OR4E2: variants seen among roughly 807,000 people sequenced by gnomAD.
OR4E2 encodes olfactory receptor family 4 subfamily E member 2, also known as olfactory receptor 4E2.
In OR4E2, 9 loss-of-function variants were observed where a neutral mutation model predicts 11.0. The ratio of observed to expected loss-of-function variants is 0.82; its 90% CI spans 0.49 to 1.43. The LOEUF (loss-of-function observed/expected upper bound fraction) is 1.43. Ranked by LOEUF, OR4E2 falls within the 40% of genes most tolerant of loss-of-function variation. The pLI, the probability that OR4E2 is intolerant of heterozygous loss-of-function variation, is 0.00. For synonymous variants in OR4E2, 159 were observed against 147.3 expected, an observed-to-expected ratio of 1.08 and a Z score of -0.57; for missense variants, 441 against 382.0, an observed-to-expected ratio of 1.15 and a Z score of -1.29.
chr14:21,663,480 G>GAAA (rs1253950762), intron 3 of OR4E2, among the ~76,000 whole-genome samples: 1 of 149,484 alleles, frequency 6.7e-6, no homozygotes, highest in Non-Finnish European at 1.5e-5. Flanking sequence ...ACTCCGTCTC[G>GAAA]AAAAAAATTT....
At chr14:21,661,493 G>A (rs897840923) in intron 3 of OR4E2, among the ~76,000 whole-genome samples, 1 of 152,072 alleles carries the variant, frequency 6.6e-6, no homozygotes, top group Non-Finnish European at 1.5e-5. Flanking sequence ...ATATGTTATT[G>A]ACATTCCATG....
chr14:21,661,062 A>G (rs1594546800), intron 3 of OR4E2, among the ~76,000 whole-genome samples: 1 of 152,216 alleles, frequency 6.6e-6, no homozygotes, highest in Non-Finnish European at 1.5e-5. Flanking sequence ...TTCCCTGTGC[A>G]TGCTTTTAAT....
chr14:21,666,026 G>T lies in OR4E2; in HGVS notation c.*2G>T. The T allele has an allele frequency of 1.9e-6, 3 of 1,604,742 alleles. No individual in the cohort carries two copies. Among genetic ancestry groups the T allele is most frequent in the Non-Finnish European group, 2.6e-6 (3 of 1,173,608 alleles). Reference sequence around the variant, plus strand: ...TTTTTCACGAAATCATATACATAATGGGCACTGGGATTGCAGACATAATTG... The same window carrying T: ...TTTTTCACGAAATCATATACATAATTGGCACTGGGATTGCAGACATAATTG... On this transcript the variant is annotated 3_prime_UTR_variant, in exon 4 of 4. Transcript: ENST00000641524.
chr14:21,659,711 G>C (rs567216060), intron 2 of OR4E2, among the ~76,000 whole-genome samples: 1 of 152,006 alleles, frequency 6.6e-6, no homozygotes, highest in Non-Finnish European at 1.5e-5. Context: ...AGTTATAATC[G>C]TTCAAAAATA....
rs1006563370 is a variant in OR4E2 at position 21,654,270 on chromosome 14, C to A, written c.-191+331C>A. Among the ~76,000 whole-genome samples the A allele has an allele frequency of 3.9e-5, 6 of 152,094 alleles. 1 individual carries two copies. The highest frequency in any genetic ancestry group is 3.9e-4 in the Admixed American group (6 of 15,258). On this transcript the variant is annotated intron_variant, in intron 1 of 3. Transcript: ENST00000641524. Reference sequence around the variant, plus strand: ...AATGTACAGTGGTCTTCCTAAACTTCACCACAGTCCCATCTTGATGATCAT... The same window carrying A: ...AATGTACAGTGGTCTTCCTAAACTTAACCACAGTCCCATCTTGATGATCAT...
chr14:21,665,780 G>T lies in OR4E2; in HGVS notation c.698G>T (p.Arg233Leu). The change falls in exon 4 of 4, where the codon CGC becomes CTC. Residue 233 changes from arginine (R) to leucine (L), a missense_variant. Arg to Leu is a moderately radical substitution (Grantham distance 102, BLOSUM62 -2). Coordinates refer to ENST00000641524, the MANE Select transcript of OR4E2 (RefSeq NM_001001912.3). ...CTTCGAAAACACTCAGCTGAAGGGC[G>T]CCGGAAAGCCCTGTCTACCTGCTCG... ...VSLRKHSAEG[R>L]RKALSTCSAH... is the part of the protein sequence containing the mutation. 6 of 1,613,890 alleles carry T rather than the reference G, an allele frequency of 3.7e-6. No homozygotes were observed. Among genetic ancestry groups the T allele is most frequent in the Middle Eastern group, 1.6e-4 (1 of 6,062 alleles).
intron 2 of OR4E2, among the ~76,000 whole-genome samples, chr14:21,657,509 TTCTTTGTTTTTC>T (rs2139799898): frequency 9.1e-6 from 1 of 109,662 alleles, no homozygotes; most frequent in Admixed American, 1.1e-4. Flanking sequence ...CCTTCCTTCT[TTCTTTGTTTTTC>T]TTTCTTTCTT....
intron 2 of OR4E2, among the ~76,000 whole-genome samples, chr14:21,657,405 C>T (rs139623505): frequency 0.29 from 38,473 of 131,996 alleles, 6,081 homozygotes; most frequent in Non-Finnish European, 0.36. Flanking sequence ...TTCCTTCCTT[C>T]CTTTCTTTCT....
rs1448738165 is a variant in OR4E2 at position 21,665,917 on chromosome 14, AC to A, written c.839del (p.Pro280LeufsTer3). 8 of 1,612,898 alleles carry A rather than the reference AC, an allele frequency of 5.0e-6. No individual in the cohort carries two copies. In the South Asian group the frequency reaches 5.5e-5, roughly 11 times the overall value. ...GGTGTCTGTCTTCTACACAGTGGTCACCCCTTTGCTGAATCCCTTCATTTAC... is the reference window on the plus strand; with the variant it reads ...GGTGTCTGTCTTCTACACAGTGGTCACCCTTTGCTGAATCCCTTCATTTAC... Reference protein sequence around the residue: ...KVVSVFYTVVTPLLNPFIYTL... With the variant: ...KVVSVFYTVVXPLLNPFIYTL... On this transcript the variant is annotated frameshift_variant, in exon 4 of 4. Transcript: ENST00000641524. LOFTEE classifies it high-confidence loss of function.
intron 2 of OR4E2, among the ~76,000 whole-genome samples, chr14:21,659,872 A>G (rs1267174728): frequency 2.6e-5 from 4 of 152,188 alleles, no homozygotes; most frequent in Non-Finnish European, 4.4e-5. Flanking sequence ...TGAATTATAC[A>G]GTATATTAGA....
chr14:21,655,161 C>T (rs10483255), intron 1 of OR4E2, among the ~76,000 whole-genome samples: 43,516 of 152,026 alleles, frequency 0.29, 6,692 homozygotes, highest in Non-Finnish European at 0.32. Flanking sequence ...AAATTATTAC[C>T]TGCATTCCAT....
rs1473967643 is a variant in OR4E2 at position 21,665,079 on chromosome 14, T to C, written c.-4T>C. ...TTTCATTTTTTCCCCCCTAAGCTCA[T>C]TGAATGGACAGTCTAAACCAAACAA... On this transcript the variant is annotated 5_prime_UTR_variant, in exon 4 of 4. Coordinates refer to ENST00000641524, the MANE Select transcript of OR4E2 (RefSeq NM_001001912.3). 1 of 1,564,332 alleles carries C rather than the reference T, an allele frequency of 6.4e-7. No individual in the cohort carries two copies. The highest frequency in any genetic ancestry group is 1.7e-4 in the Middle Eastern group (1 of 5,894).
At chr14:21,654,747 T>TGAGAGAGA (rs34453088) in intron 1 of OR4E2, among the ~76,000 whole-genome samples, 1,526 of 146,502 alleles carry the variant, frequency 0.01, 34 homozygotes, top group African/African-American at 0.036. Flanking sequence ...ATATATAAAA[T>TGAGAGAGA]GAGAGAGAGA....
intron 1 of OR4E2, among the ~76,000 whole-genome samples, chr14:21,656,123 C>T (rs1333400922): frequency 1.3e-5 from 2 of 151,296 alleles, no homozygotes; most frequent in African/African-American, 4.9e-5. Context: ...TACAAAAAAA[C>T]CAACCAACCA....
At chr14:21,659,615 T>C (rs769407171) in intron 2 of OR4E2, among the ~76,000 whole-genome samples, 2 of 152,236 alleles carry the variant, frequency 1.3e-5, no homozygotes, top group African/African-American at 2.4e-5. Context: ...GGAAGCAATT[T>C]GATAATAATA....
rs1287843107 is a variant in OR4E2, at chr14:21,666,660, C to T, written c.*636C>T. ...AAAACAAAACAAAACTATACACCCA[C>T]AAGAATAGTAAAAATTAAAAAGGTA... On this transcript the variant is annotated 3_prime_UTR_variant, in exon 4 of 4. Transcript: ENST00000641524. 2.0e-5 allele frequency: 3 copies of T among 149,588 alleles called. No homozygotes were observed. The highest frequency in any genetic ancestry group is 7.4e-5 in the African/African-American group (3 of 40,758). The allele number at this position is 149,588 out of a possible 1,614,324, so 9.3% of individuals were successfully genotyped here. A position where few individuals can be genotyped will look rare whatever the true frequency, so the allele number is the denominator to read the frequency against.
chr14:21,664,044 A>G (rs1039885187), intron 3 of OR4E2, among the ~76,000 whole-genome samples: 1 of 152,178 alleles, frequency 6.6e-6, no homozygotes, highest in Admixed American at 6.5e-5. Context: ...GCTATTGTAA[A>G]CAGTGCTGCA....
chr14:21,657,490 TC>T lies in OR4E2; in HGVS notation c.-103+903del, dbSNP rs1238825568. Among the ~76,000 whole-genome samples the T allele has an allele frequency of 7.0e-4, 87 of 125,152 alleles. 1 individual carries two copies. Among genetic ancestry groups the T allele is most frequent in the East Asian group, 3.7e-3 (15 of 4,050 alleles). 82.1% of individuals were successfully genotyped at this position (125,152 alleles called of 152,430 possible). On this transcript the variant is annotated intron_variant, in intron 2 of 3. Transcript: ENST00000641524. ...TTCCTTCCTTCCTTCCTTCCTTCCTTCCTTCCTTCCTTCCTTCTTTCTTTGT... is the reference window on the plus strand; with the variant it reads ...TTCCTTCCTTCCTTCCTTCCTTCCTTCTTCCTTCCTTCCTTCTTTCTTTGT...
At chr14:21,657,225 C>G (rs1349769426) in intron 2 of OR4E2, among the ~76,000 whole-genome samples, 1 of 152,190 alleles carries the variant, frequency 6.6e-6, no homozygotes, top group Non-Finnish European at 1.5e-5. Context: ...TGGAGGACTA[C>G]AGTTGAGGCC....
Sources: gnomAD v4.1 joint callset for allele counts (sites outside exome capture counted in the v4.1 genomes callset) on GRCh38, gnomAD v4.1.1 for gene constraint, MANE v1.5 for transcripts, NCBI Gene and HGNC (gene_info 2026-07-23, HGNC 2026-07-21) for gene names.